Variants in ARSG observed in about 807,000 individuals in gnomAD.
ARSG encodes ASG.
ARSG carries 37 observed loss-of-function variants against 50.5 expected under a neutral mutation model. The ratio of observed to expected loss-of-function variants is 0.73; its 90% CI spans 0.56 to 0.96. The LOEUF (loss-of-function observed/expected upper bound fraction) is 0.96, where lower values mean the gene tolerates loss of function less well. ARSG is among the 50% of genes least tolerant of loss of function. The pLI is 0.00. For synonymous variants in ARSG, 225 were observed against 254.6 expected, an observed-to-expected ratio of 0.88 and a Z score of 1.11; for missense variants, 629 against 675.3, an observed-to-expected ratio of 0.93 and a Z score of 0.76.
chr17:68,311,555 G>A (rs1396224053), intron 2 of ARSG, among the ~76,000 whole-genome samples: 1 of 152,138 alleles, frequency 6.6e-6, no homozygotes, highest in Middle Eastern at 3.4e-3. Context: ...ATTTAGGGTG[G>A]GTCCTAAATC....
At chr17:68,330,250 G>T (rs892549832) in intron 2 of ARSG, among the ~76,000 whole-genome samples, 3 of 152,036 alleles carry the variant, frequency 2.0e-5, no homozygotes, top group Non-Finnish European at 4.4e-5. Context: ...GATGACTTTG[G>T]ATGCACCATG....
At chr17:68,321,953 GTGGCC>G (rs1479888568) in intron 2 of ARSG, among the ~76,000 whole-genome samples, 4 of 152,174 alleles carry the variant, frequency 2.6e-5, no homozygotes, top group Non-Finnish European at 5.9e-5. Context: ...AATGGAGACA[GTGGCC>G]AGGAGGGGGA....
intron 11 of ARSG, 130 bp from the exon 12 acceptor site, chr17:68,420,059 G>C (rs1372847240): frequency 5.8e-6 from 6 of 1,040,730 alleles, no homozygotes; most frequent in Non-Finnish European, 7.1e-6. Flanking sequence ...CTTTGACAGA[G>C]AGAGCCATCA....
intron 11 of ARSG, among the ~76,000 whole-genome samples, chr17:68,410,523 G>T (rs1300028140): frequency 6.6e-6 from 1 of 151,512 alleles, no homozygotes; most frequent in Non-Finnish European, 1.5e-5. Flanking sequence ...GATTCGGTTT[G>T]CCAGTATTTT....
intron 1 of ARSG, among the ~76,000 whole-genome samples, chr17:68,262,295 C>T (rs1192074525): frequency 6.6e-6 from 1 of 151,774 alleles, no homozygotes; most frequent in African/African-American, 2.4e-5. Flanking sequence ...CACGGTGAAA[C>T]TCCGTGTCTA....
intron 8 of ARSG, among the ~76,000 whole-genome samples, chr17:68,372,161 G>C (rs1343426503): frequency 2.0e-5 from 3 of 152,014 alleles, no homozygotes; most frequent in Non-Finnish European, 2.9e-5. Context: ...TTTAGATCTG[G>C]GACTGTGTAT....
chr17:68,308,801 A>C (rs1555765486), intron 2 of ARSG, among the ~76,000 whole-genome samples: 1 of 152,256 alleles, frequency 6.6e-6, no homozygotes, highest in Non-Finnish European at 1.5e-5. Flanking sequence ...TGAGCTAGAC[A>C]TAAAGGTTCT....
downstream of ARSG, chr17:68,422,257 C>T (rs567866477): frequency 5.0e-4 from 81 of 163,050 alleles, no homozygotes; most frequent in Non-Finnish European, 8.2e-4. Context: ...GAAACCCCAT[C>T]GCTACTAAAA....
At chr17:68,299,395 G>A (rs1281889487) in intron 1 of ARSG, among the ~76,000 whole-genome samples, 1 of 151,864 alleles carries the variant, frequency 6.6e-6, no homozygotes, top group Non-Finnish European at 1.5e-5. Context: ...ATGAGCCACC[G>A]CGCCTAGCTG....
At chr17:68,429,988 G>A in the ARSG span, 1 of 1,614,096 alleles carries the variant, frequency 6.2e-7, no homozygotes, top group Non-Finnish European at 8.5e-7. Context: ...GGGTGTCATT[G>A]TACGTACGTT....
Position 68,385,094 on chromosome 17 carries a change from A to G in ARSG, c.1013A>G (p.Glu338Gly). ...AGTCCAGCCAAGCAGACGACCTGGG[A>G]AGGAGGGCACCGGGTCCCAGCACTG... is the stretch of plus-strand genomic sequence containing the variant. Reference protein sequence around the residue: ...GGSPAKQTTWEGGHRVPALAY... With the variant: ...GGSPAKQTTWGGGHRVPALAY... Residue 338 changes from glutamate to glycine, a missense_variant, in exon 9 of 12, where the codon GAA becomes GGA. Glu to Gly is a moderately conservative substitution (Grantham distance 98). Coordinates refer to ENST00000621439, the MANE Select transcript of ARSG (RefSeq NM_001267727.2). 1 of 1,613,980 alleles carries G rather than the reference A, an allele frequency of 6.2e-7. No homozygotes were observed. The highest frequency in any genetic ancestry group is 8.5e-7 in the Non-Finnish European group (1 of 1,179,950).
chr17:68,406,894 T>C lies in ARSG; in HGVS notation c.1303+5444T>C, dbSNP rs139539088. On this transcript the variant is annotated intron_variant, in intron 11 of 11. Transcript: ENST00000621439. Reference sequence around the variant, plus strand: ...TTTAATTATGTCCTAGCTATTTATATTTGTTCTTATTGCATTTGCTTTTGG... The same window carrying C: ...TTTAATTATGTCCTAGCTATTTATACTTGTTCTTATTGCATTTGCTTTTGG... Among the ~76,000 whole-genome samples the C allele has an allele frequency of 1.7e-3, 256 of 152,354 alleles. 2 individuals carry two copies. Among genetic ancestry groups the C allele is most frequent in the African/African-American group, 5.7e-3 (239 of 41,580 alleles).
the ARSG span, chr17:68,434,487 G>C: frequency 1.3e-6 from 2 of 1,555,872 alleles, no homozygotes; most frequent in Admixed American, 1.7e-5. Flanking sequence ...CCTCTCCCTA[G>C]ACAGCTGCCA....
At chr17:68,350,669 C>T (rs1436518914) in intron 4 of ARSG, among the ~76,000 whole-genome samples, 1 of 152,134 alleles carries the variant, frequency 6.6e-6, no homozygotes, top group Non-Finnish European at 1.5e-5. Flanking sequence ...CCTGTAGTCC[C>T]AGCTACTCAG....
chr17:68,314,677 A>C (rs2077002854), intron 2 of ARSG, among the ~76,000 whole-genome samples: 1 of 152,198 alleles, frequency 6.6e-6, no homozygotes, highest in South Asian at 2.1e-4. Flanking sequence ...ATTGTACTCC[A>C]GCCTGGACAA....
At chr17:68,310,132 G>A (rs2076793495) in intron 2 of ARSG, among the ~76,000 whole-genome samples, 1 of 151,756 alleles carries the variant, frequency 6.6e-6, no homozygotes, top group Non-Finnish European at 1.5e-5. Context: ...TGCCACCTGG[G>A]GAGAAACCCC....
At chr17:68,270,765 T>C in intron 1 of ARSG, 3 of 1,324,372 alleles carry the variant, frequency 2.3e-6, no homozygotes, top group Non-Finnish European at 3.1e-6. Flanking sequence ...GTTTTTTTTA[T>C]GGCTTGAACA....
intron 2 of ARSG, among the ~76,000 whole-genome samples, chr17:68,340,105 C>T (rs952363926): frequency 1.3e-5 from 2 of 152,190 alleles, no homozygotes; most frequent in African/African-American, 2.4e-5. Context: ...TTTCTCTCAT[C>T]ACCTAGTGAT....
In ARSG at chr17:68,272,402, T is replaced by C. The variant is rs558622979; in HGVS notation, c.-552+12976T>C. ...TGGAATGCATGTGTCAAGAAAGCCC[T>C]ACCACTGCATATGTGCCCAGTTAGG... On this transcript the variant is annotated intron_variant, in intron 1 of 11. Transcript: ENST00000448504. Among the ~76,000 whole-genome samples the C allele has an allele frequency of 5.9e-5, 9 of 152,320 alleles. 1 individual carries two copies. In the South Asian group the frequency reaches 1.9e-3, roughly 32 times the overall value.
Sources: allele counts gnomAD v4.1 joint callset (sites outside exome capture counted in the v4.1 genomes callset), GRCh38; gene constraint gnomAD v4.1.1; transcripts MANE v1.5; gene names NCBI Gene and HGNC (gene_info 2026-07-23, HGNC 2026-07-21).